The following FAM135A variants were observed in gnomAD, a reference collection of about 807,000 sequenced individuals.
FAM135A encodes the protein protein FAM135A.
FAM135A carries 79 observed loss-of-function variants against 146.8 expected under a neutral mutation model. That is an observed-to-expected ratio of 0.54 (90% confidence interval 0.45 to 0.65). FAM135A has a LOEUF of 0.65. Among genes scored for constraint, FAM135A ranks in the 30% least tolerant of loss-of-function variants. FAM135A has a pLI of 0.00. For synonymous variants in FAM135A, 562 were observed against 603.6 expected (o/e 0.93, Z 1.01); for missense variants, 1,623 against 1,758.2 (o/e 0.92, Z 1.38).
At chr6:70,420,549 A>G (rs942063690) in intron 2 of FAM135A, among the ~76,000 whole-genome samples, 2 of 152,126 alleles carry the variant, frequency 1.3e-5, no homozygotes, top group African/African-American at 4.8e-5. Flanking sequence ...AGTCTTAGGA[A>G]CTTTGTATGG....
intron 20 of FAM135A, among the ~76,000 whole-genome samples, chr6:70,553,375 T>C (rs1800208674): frequency 6.6e-6 from 1 of 152,246 alleles, no homozygotes; most frequent in Non-Finnish European, 1.5e-5. Flanking sequence ...ATCAGTCTCC[T>C]GATCCCTAGT....
intron 1 of FAM135A, chr6:70,414,020 C>T (rs983283532): frequency 1.9e-5 from 19 of 985,606 alleles, no homozygotes; most frequent in Non-Finnish European, 2.0e-5. Context: ...GCGTGTTTGC[C>T]CTTCACCCCT....
chr6:70,429,495 A>G (rs1464764415), intron 4 of FAM135A, among the ~76,000 whole-genome samples: 1 of 152,158 alleles, frequency 6.6e-6, no homozygotes, highest in Non-Finnish European at 1.5e-5. Context: ...CCTGGGCAAC[A>G]GAGCAAGACT....
chr6:70,474,248 T>G (rs1782172161), intron 5 of FAM135A, among the ~76,000 whole-genome samples: 1 of 152,170 alleles, frequency 6.6e-6, no homozygotes, highest in Non-Finnish European at 1.5e-5. Context: ...CAAACCCACC[T>G]TGATCTCTAG....
intron 16 of FAM135A, among the ~76,000 whole-genome samples, chr6:70,532,015 T>C (rs575837514): frequency 7.8e-4 from 118 of 150,976 alleles, no homozygotes; most frequent in Admixed American, 8.6e-4. Context: ...CCCGAGTAGC[T>C]GGGATTACAG....
rs746838449 is a variant in FAM135A at position 70,417,259 on chromosome 6, C to CT, written c.-134+1898dup. ...TAAATATATTGATAATAGACTGGGA[C>CT]TTTTTTTTTTTTTTTGACAGAGTCC... On this transcript the variant is annotated intron_variant, in intron 2 of 21. Transcript: ENST00000418814. 7.9e-3 allele frequency among the ~76,000 whole-genome samples: 1,109 copies of CT among 141,188 alleles called. 4 individuals are homozygous for CT. Among genetic ancestry groups the CT allele is most frequent in the Non-Finnish European group, 0.01 (661 of 64,270 alleles). 92.6% of individuals were successfully genotyped at this position (141,188 alleles called of 152,430 possible).
At chr6:70,500,667 T>TG (rs1344590929) in intron 11 of FAM135A, among the ~76,000 whole-genome samples, 1 of 152,236 alleles carries the variant, frequency 6.6e-6, no homozygotes, top group Non-Finnish European at 1.5e-5. Context: ...CGTTTTTGTG[T>TG]GGGGGTCCTT....
chr6:70,442,620 C>T (rs1774822589), intron 4 of FAM135A, among the ~76,000 whole-genome samples: 1 of 151,894 alleles, frequency 6.6e-6, no homozygotes, highest in Admixed American at 6.6e-5. Flanking sequence ...ACAAAGGTAG[C>T]ATAGGATACA....
At chr6:70,443,745 AC>A (rs914675331) in intron 4 of FAM135A, among the ~76,000 whole-genome samples, 5 of 151,880 alleles carry the variant, frequency 3.3e-5, no homozygotes, top group Non-Finnish European at 7.4e-5. Flanking sequence ...GTTTAATCAT[AC>A]CTTTTTTTTC....
chr6:70,514,223 C>T (rs1432641928), intron 12 of FAM135A, among the ~76,000 whole-genome samples: 1 of 151,928 alleles, frequency 6.6e-6, no homozygotes, highest in Non-Finnish European at 1.5e-5. Context: ...TTCTGTTATT[C>T]TGTCTTCAGA....
At chr6:70,520,439 A>G (rs1311631470) in intron 12 of FAM135A, among the ~76,000 whole-genome samples, 1 of 152,198 alleles carries the variant, frequency 6.6e-6, no homozygotes, top group African/African-American at 2.4e-5. Flanking sequence ...CATGTATAGA[A>G]TTGTAATATA....
chr6:70,459,465 A>G (rs965899387), intron 5 of FAM135A, among the ~76,000 whole-genome samples: 22 of 152,190 alleles, frequency 1.4e-4, no homozygotes, highest in African/African-American at 5.3e-4. Flanking sequence ...CAGTCATGAA[A>G]GACAATGAGT....
intron 5 of FAM135A, among the ~76,000 whole-genome samples, chr6:70,465,687 C>A (rs1275124189): frequency 2.0e-5 from 3 of 152,096 alleles, no homozygotes; most frequent in Non-Finnish European, 4.4e-5. Flanking sequence ...TGTGGCCAGT[C>A]GTTCTATTTT....
At chr6:70,467,390 T>G (rs1423431211) in intron 5 of FAM135A, among the ~76,000 whole-genome samples, 1 of 152,138 alleles carries the variant, frequency 6.6e-6, no homozygotes, top group Non-Finnish European at 1.5e-5. Flanking sequence ...GAATATCCTC[T>G]TGGTAACTGG....
chr6:70,554,246 A>G (rs140321480), intron 20 of FAM135A, among the ~76,000 whole-genome samples: 66 of 152,350 alleles, frequency 4.3e-4, no homozygotes, highest in Middle Eastern at 3.4e-3. Context: ...GAAATCACTA[A>G]CACAAGATGA....
chr6:70,507,615 A>G (rs1212264960), intron 12 of FAM135A, among the ~76,000 whole-genome samples: 1 of 152,166 alleles, frequency 6.6e-6, no homozygotes, highest in Non-Finnish European at 1.5e-5. Flanking sequence ...TGGTTCAACT[A>G]TATTATTTAA....
rs1443615488 is a variant in FAM135A, at chr6:70,469,602, A to G, written c.158-5808A>G. ...GAGGCATAGAAAAGAAGAAAGAATA[A>G]AGTTCACAGATCTAGTAAGTGGCAG... On this transcript the variant is annotated intron_variant, in intron 5 of 21. Coordinates refer to ENST00000418814, the MANE Select transcript of FAM135A (RefSeq NM_001162529.3). Among the ~76,000 whole-genome samples, 3 of 152,162 alleles carry G rather than the reference A, an allele frequency of 2.0e-5. No individual in the cohort carries two copies. The East Asian group carries it at 5.8e-4, about 29-fold the overall frequency.
At chr6:70,462,179 C>T (rs946206911) in intron 5 of FAM135A, among the ~76,000 whole-genome samples, 2 of 152,118 alleles carry the variant, frequency 1.3e-5, no homozygotes, top group East Asian at 1.9e-4. Context: ...TTTATAGCTC[C>T]TTTCCATCTT....
Position 70,526,010 on chromosome 6 carries a change from A to G in FAM135A, c.2926A>G (p.Thr976Ala). The change falls in exon 15 of 22, where the codon ACT becomes GCT. Residue 976 changes from threonine to alanine, a missense_variant. This residue lies in a region of FAM135A where 1,061 missense variants were observed against 1,113.8 expected (regional missense o/e 0.95). Coordinates refer to ENST00000418814, the MANE Select transcript of FAM135A (RefSeq NM_001162529.3). Reference sequence around the variant, plus strand: ...AAATTCAAAACTGATTTGTTTAGGCACTCCTTGTGTCATTTCAGGTTCCAT... The same window carrying G: ...AAATTCAAAACTGATTTGTTTAGGCGCTCCTTGTGTCATTTCAGGTTCCAT... ...TLNSKLICLGTPCVISGSISS... is the reference protein window; with the variant it reads ...TLNSKLICLGAPCVISGSISS... The G allele has an allele frequency of 6.2e-7, 1 of 1,612,066 alleles. No individual in the cohort carries two copies. Among genetic ancestry groups the G allele is most frequent in the Non-Finnish European group, 8.5e-7 (1 of 1,179,320 alleles).
Sources: allele counts gnomAD v4.1 joint callset (sites outside exome capture counted in the v4.1 genomes callset), GRCh38; gene constraint gnomAD v4.1.1; regional missense constraint gnomAD v4.1.1; transcripts MANE v1.5; gene names NCBI Gene and HGNC (gene_info 2026-07-23, HGNC 2026-07-21).